The following PLA2R1 variants were observed in gnomAD, a reference collection of about 807,000 sequenced individuals.
PLA2R1 encodes the protein phospholipase A2 receptor 1.
PLA2R1 carries 158 observed loss-of-function variants against 195.9 expected under a neutral mutation model. That is an observed-to-expected ratio of 0.81 (90% CI 0.71 to 0.92). The LOEUF is 0.92. Ranked by LOEUF, PLA2R1 falls within the 40% of genes least tolerant of loss-of-function variation. The probability of loss-of-function intolerance (pLI) is 0.00; values close to 1 mark genes in which losing one functional copy is unlikely to be tolerated. For synonymous variants in PLA2R1, 586 were observed against 598.2 expected, an observed-to-expected ratio of 0.98 and a Z score of 0.30; for missense variants, 1,626 against 1,764.6, an observed-to-expected ratio of 0.92 and a Z score of 1.41.
rs1560175879 is a variant in PLA2R1 at position 159,983,959 on chromosome 2, C to T, written c.2152G>A (p.Val718Met). 2 of 1,592,454 alleles carry T rather than the reference C, an allele frequency of 1.3e-6. No homozygotes were observed. The highest frequency in any genetic ancestry group is 2.2e-5 in the South Asian group (2 of 89,450). The change falls in exon 13 of 30, where the codon GTG becomes ATG. Residue 718 changes from valine (V) to methionine (M), a missense_variant. Coordinates refer to ENST00000283243, the MANE Select transcript of PLA2R1 (RefSeq NM_007366.5). ...SFAHIEEENF[V>M]NELLHSKFNW... ...AATTTTGAATGTAAGAGCTCATTCA[C>T]AAAATTCTCTTCCTCAATATGGGCA...
intron 11 of PLA2R1, among the ~76,000 whole-genome samples, chr2:160,004,413 T>A (rs1338275393): frequency 6.6e-6 from 1 of 152,200 alleles, no homozygotes; most frequent in African/African-American, 2.4e-5. Flanking sequence ...ACTGGACTTT[T>A]GTAATTATGA....
At chr2:159,969,832 C>T (rs905201427) in intron 18 of PLA2R1, among the ~76,000 whole-genome samples, 3 of 152,160 alleles carry the variant, frequency 2.0e-5, no homozygotes, top group East Asian at 1.9e-4. Context: ...TGTGAACCAC[C>T]GCGCCCAGCT....
chr2:160,047,835 G>A (rs2667037), intron 1 of PLA2R1, among the ~76,000 whole-genome samples: 2,331 of 152,224 alleles, frequency 0.015, 70 homozygotes, highest in African/African-American at 0.053. Flanking sequence ...TCTGTGGGGC[G>A]GTGAGTTTGA....
At position 160,005,933 on chromosome 2, in the gene PLA2R1, T is replaced by C. The variant is rs773087169; in HGVS notation, c.1665-112A>G. The C allele has an allele frequency of 1.4e-5, 10 of 730,018 alleles. No homozygotes were observed. The Admixed American group carries it at 2.0e-4, about 15-fold the overall frequency. The allele number at this position is 730,018 out of a possible 1,614,324, so 45.2% of individuals were successfully genotyped here. On this transcript the variant is annotated intron_variant, in intron 10 of 29. Coordinates refer to ENST00000283243, the MANE Select transcript of PLA2R1 (RefSeq NM_007366.5). ...CCCCAGAGTAAGCATTTCTCATCAA[T>C]TCTTTAGAACATGGAACAGGAAAAC... is the stretch of plus-strand genomic sequence containing the variant.
At chr2:160,023,323 A>C (rs1693264323) in intron 6 of PLA2R1, among the ~76,000 whole-genome samples, 1 of 152,224 alleles carries the variant, frequency 6.6e-6, no homozygotes, top group Non-Finnish European at 1.5e-5. Context: ...TGCAGTAAAG[A>C]AGCTGGCCAA....
chr2:160,001,727 A>G (rs1308875164), intron 11 of PLA2R1, among the ~76,000 whole-genome samples: 1 of 151,928 alleles, frequency 6.6e-6, no homozygotes, highest in Non-Finnish European at 1.5e-5. Flanking sequence ...CACTTGGGAT[A>G]CTACTATACC....
chr2:160,038,000 T>C (rs951285945), intron 3 of PLA2R1, among the ~76,000 whole-genome samples: 3 of 152,148 alleles, frequency 2.0e-5, no homozygotes, highest in African/African-American at 7.2e-5. Context: ...CCCTGGCACA[T>C]AGTAGGTGTT....
chr2:159,951,642 T>TTAGCATA (rs1687755958), intron 23 of PLA2R1, 64 bp from the exon 24 acceptor site: 2 of 816,472 alleles, frequency 2.4e-6, no homozygotes. Flanking sequence ...GAGGCAAAGC[T>TTAGCATA]TAGCATAGAT....
At chr2:159,993,476 A>ACACACACACACT (rs1419260402) in intron 11 of PLA2R1, among the ~76,000 whole-genome samples, 1 of 151,560 alleles carries the variant, frequency 6.6e-6, no homozygotes, top group East Asian at 1.9e-4. Context: ...ACACACACAC[A>ACACACACACACT]CTTCCTAGAT....
In PLA2R1 at chr2:159,941,134, T is replaced by C. The variant is rs1359531267; in HGVS notation, c.*644A>G. On this transcript the variant is annotated 3_prime_UTR_variant, in exon 30 of 30. Coordinates refer to ENST00000283243, the MANE Select transcript of PLA2R1 (RefSeq NM_007366.5). ...AAAAGTGTGCTGCTAATGAAGGTCT[T>C]TGCCATTTAAAAGAAGGTATTTTTC... 6.6e-6 allele frequency: 1 copy of C among 152,216 alleles called. No homozygotes were observed. Among genetic ancestry groups the C allele is most frequent in the Non-Finnish European group, 1.5e-5 (1 of 68,038 alleles). The allele number at this position is 152,216 out of a possible 1,614,324, so 9.4% of individuals were successfully genotyped here. A position where few individuals can be genotyped will look rare whatever the true frequency, so the allele number is the denominator to read the frequency against.
intron 19 of PLA2R1, among the ~76,000 whole-genome samples, chr2:159,968,522 A>G (rs2105231913): frequency 6.6e-6 from 1 of 152,282 alleles, no homozygotes; most frequent in East Asian, 1.9e-4. Context: ...CTGATTAACC[A>G]CACGGATTTT....
chr2:160,043,186 G>A (rs1366163034), intron 2 of PLA2R1, among the ~76,000 whole-genome samples: 1 of 152,126 alleles, frequency 6.6e-6, no homozygotes, highest in Non-Finnish European at 1.5e-5. Context: ...GTGGGGGCAA[G>A]TCTCTTGCGG....
intron 17 of PLA2R1, among the ~76,000 whole-genome samples, chr2:159,973,111 A>G (rs979957967): frequency 6.6e-6 from 1 of 152,174 alleles, no homozygotes; most frequent in African/African-American, 2.4e-5. Context: ...TATAAGATAA[A>G]TGTGAGACAG....
intron 28 of PLA2R1, among the ~76,000 whole-genome samples, chr2:159,944,121 A>G (rs752159240): frequency 3.3e-5 from 5 of 152,132 alleles, no homozygotes; most frequent in Non-Finnish European, 7.4e-5. Flanking sequence ...ATTACCATCC[A>G]ATTTTATTCC....
intron 17 of PLA2R1, among the ~76,000 whole-genome samples, chr2:159,972,316 C>T (rs1689243128): frequency 6.6e-6 from 1 of 152,016 alleles, no homozygotes; most frequent in African/African-American, 2.4e-5. Flanking sequence ...AAGAAGGCCA[C>T]AACAATAGAA....
chr2:160,025,783 G>A lies in PLA2R1; in HGVS notation c.1099+2435C>T, dbSNP rs749856422. The stretch of plus-strand genomic sequence containing the variant: ...TGGCAGTAGTAAGTCTTTACCTATC[G>A]GAATAATTACTCTGAATGCAAATGG... On this transcript the variant is annotated intron_variant, in intron 6 of 29. Transcript: ENST00000283243. 2.6e-5 allele frequency among the ~76,000 whole-genome samples: 4 copies of A among 152,018 alleles called. No individual in the cohort carries two copies. In the South Asian group the frequency reaches 6.2e-4, roughly 24 times the overall value.
chr2:159,972,785 T>C (rs942144126), intron 17 of PLA2R1, among the ~76,000 whole-genome samples: 2 of 152,222 alleles, frequency 1.3e-5, no homozygotes, highest in Non-Finnish European at 2.9e-5. Flanking sequence ...TTTTTCAGCA[T>C]TAATGTGATT....
rs760536782 is a variant in PLA2R1, at chr2:159,947,555, T to C, written c.3714A>G (p.Thr1238=). 2 of 1,612,960 alleles carry C rather than the reference T, an allele frequency of 1.2e-6. No individual in the cohort carries two copies. The highest frequency in any genetic ancestry group is 1.7e-6 in the Non-Finnish European group (2 of 1,179,592). The change falls in exon 26 of 30, where the codon ACA becomes ACG. Residue 1238 remains threonine, a synonymous_variant. Coordinates refer to ENST00000283243, the MANE Select transcript of PLA2R1 (RefSeq NM_007366.5). ...QGAICHVPPE[T]RQSEHPELCS... is the part of the protein sequence containing the mutation. Reference sequence around the variant, plus strand: ...ACAACTCTGGGTGTTCAGATTGTCTTGTTTCTGTGAAGAAAAGCCAGTTAT... The same window carrying C: ...ACAACTCTGGGTGTTCAGATTGTCTCGTTTCTGTGAAGAAAAGCCAGTTAT...
intron 10 of PLA2R1, among the ~76,000 whole-genome samples, chr2:160,011,944 GTGTGTGTGTGTGTGCGTGTGTCTGTT>G (rs1278986077): frequency 2.9e-5 from 3 of 103,532 alleles, no homozygotes; most frequent in Non-Finnish European, 4.5e-5. Flanking sequence ...ATCCATTTGA[GTGTGTGTGTGTGTGCGTGTGTCTGTT>G]TGTGTGTGTG....
Sources: gnomAD v4.1 joint callset for allele counts (sites outside exome capture counted in the v4.1 genomes callset) on GRCh38, gnomAD v4.1.1 for gene constraint, MANE v1.5 for transcripts, NCBI Gene and HGNC (gene_info 2026-07-23, HGNC 2026-07-21) for gene names.